BANK1: variants seen among roughly 807,000 people sequenced by gnomAD.
The protein encoded by BANK1 is B-cell scaffold protein with ankyrin repeats.
In BANK1, 95 loss-of-function variants were observed where a neutral mutation model predicts 94.5. The ratio of observed to expected loss-of-function variants is 1.00; its 90% CI spans 0.85 to 1.19. BANK1 has a LOEUF of 1.19. Among genes scored for constraint, BANK1 ranks in the 50% most tolerant of loss-of-function variants. The probability of loss-of-function intolerance (pLI) is 0.00; values close to 1 mark genes in which losing one functional copy is unlikely to be tolerated. For missense variants in BANK1, 987 were observed against 932.2 expected, an observed-to-expected ratio of 1.06 and a Z score of -0.77; for synonymous variants, 334 against 308.4, an observed-to-expected ratio of 1.08 and a Z score of -0.87.
intron 7 of BANK1, among the ~76,000 whole-genome samples, chr4:102,001,529 G>A (rs1360801045): frequency 2.0e-5 from 3 of 152,186 alleles, no homozygotes; most frequent in African/African-American, 7.2e-5. Context: ...GAACCCGGGA[G>A]GCGGAGGTTG....
intron 6 of BANK1, among the ~76,000 whole-genome samples, chr4:101,913,307 G>A (rs1408193064): frequency 6.6e-6 from 1 of 152,138 alleles, no homozygotes; most frequent in South Asian, 2.1e-4. Flanking sequence ...GCTACAGATT[G>A]GATGGATTGG....
chr4:101,999,696 A>G (rs964315567), intron 7 of BANK1, among the ~76,000 whole-genome samples: 6 of 152,236 alleles, frequency 3.9e-5, no homozygotes, highest in East Asian at 1.9e-4. Flanking sequence ...AGGACTTGCC[A>G]TATATAACAA....
intron 7 of BANK1, among the ~76,000 whole-genome samples, chr4:101,989,913 T>C (rs1272029560): frequency 6.6e-6 from 1 of 152,208 alleles, no homozygotes; most frequent in Non-Finnish European, 1.5e-5. Context: ...ACAGTTGTTC[T>C]TATTCAACCA....
At chr4:102,064,134 A>T (rs1181891439) in intron 13 of BANK1, among the ~76,000 whole-genome samples, 3 of 152,220 alleles carry the variant, frequency 2.0e-5, no homozygotes, top group Admixed American at 2.0e-4. Context: ...CCACTAAAAG[A>T]GTGTGAAAGC....
chr4:101,797,119 A>G, intron 1 of BANK1, among the ~76,000 whole-genome samples: 1 of 152,142 alleles, frequency 6.6e-6, no homozygotes, highest in South Asian at 2.1e-4. Flanking sequence ...TAAGTTATAC[A>G]TAGTGTGTTA....
rs553466065 is a variant in BANK1 at position 101,822,968 on chromosome 4, T to C, written c.71-6840T>C. Among the ~76,000 whole-genome samples, 3 of 152,304 alleles carry C rather than the reference T, an allele frequency of 2.0e-5. No homozygotes were observed. The East Asian group carries it at 5.8e-4, about 29-fold the overall frequency. Reference sequence around the variant, plus strand: ...TGATGGTATTTAGGTTGATTGCATGTCTTTGCTATTGTGAATTGTGCTGCA... The same window carrying C: ...TGATGGTATTTAGGTTGATTGCATGCCTTTGCTATTGTGAATTGTGCTGCA... On this transcript the variant is annotated intron_variant, in intron 1 of 16. Transcript: ENST00000322953.
At chr4:102,031,715 A>C (rs1407152979) in intron 10 of BANK1, among the ~76,000 whole-genome samples, 1 of 152,182 alleles carries the variant, frequency 6.6e-6, no homozygotes, top group East Asian at 1.9e-4. Context: ...CCTATAAATA[A>C]TATGCAACAC....
intron 11 of BANK1, among the ~76,000 whole-genome samples, chr4:102,055,964 G>A (rs185687905): frequency 5.4e-4 from 82 of 152,058 alleles, no homozygotes; most frequent in African/African-American, 1.8e-3. Flanking sequence ...AAAAGATTAG[G>A]GCAGGACTAG....
chr4:101,825,604 G>A (rs994574895), intron 1 of BANK1, among the ~76,000 whole-genome samples: 1 of 151,992 alleles, frequency 6.6e-6, no homozygotes, highest in African/African-American at 2.4e-5. Context: ...AGTAAAATAA[G>A]ACTAACAGGA....
chr4:101,847,143 T>A (rs568859884), intron 2 of BANK1, among the ~76,000 whole-genome samples: 1 of 152,020 alleles, frequency 6.6e-6, no homozygotes, highest in South Asian at 2.1e-4. Flanking sequence ...AAATATTTGT[T>A]CAAAGAAATC....
At chr4:101,961,997 A>C (rs1254265504) in intron 7 of BANK1, among the ~76,000 whole-genome samples, 2 of 152,142 alleles carry the variant, frequency 1.3e-5, no homozygotes, top group Non-Finnish European at 2.9e-5. Context: ...TTCTAATTTC[A>C]GTTCATTTTT....
chr4:102,070,895 A>G (rs983084338), intron 13 of BANK1, among the ~76,000 whole-genome samples: 1 of 152,360 alleles, frequency 6.6e-6, no homozygotes, highest in African/African-American at 2.4e-5. Context: ...CTCAAAAATC[A>G]TCAACCTCTT....
chr4:102,012,062 A>G (rs1259390321), intron 7 of BANK1, among the ~76,000 whole-genome samples: 3 of 152,190 alleles, frequency 2.0e-5, no homozygotes, highest in Non-Finnish European at 4.4e-5. Flanking sequence ...TATTTTTTTA[A>G]ATGAGATACT....
chr4:101,790,918 C>T lies in BANK1; in HGVS notation c.38C>T (p.Pro13Leu), dbSNP rs1342122250. 4 of 1,535,610 alleles carry T rather than the reference C, an allele frequency of 2.6e-6. No individual in the cohort carries two copies. Among genetic ancestry groups the T allele is most frequent in the African/African-American group, 1.4e-5 (1 of 72,350 alleles). ...PAAPGKGLGS[P>L]DPAPCGPAPP... ...GCGCCAGGCAAGGGGCTTGGGAGCC[C>T]GGACCCCGCCCCCTGCGGCCCAGCG... is the stretch of plus-strand genomic sequence containing the variant. Residue 13 changes from proline to leucine, a missense_variant, in exon 1 of 17, where the codon CCG becomes CTG. Pro to Leu is a moderately conservative substitution (Grantham distance 98, BLOSUM62 -3). Transcript: ENST00000322953.
chr4:101,878,584 A>G (rs1000218726), intron 5 of BANK1, among the ~76,000 whole-genome samples: 8 of 152,196 alleles, frequency 5.3e-5, no homozygotes, highest in African/African-American at 1.9e-4. Flanking sequence ...ATTGGACTTA[A>G]TCTGCACTAT....
At position 101,936,494 on chromosome 4, in the gene BANK1, A is replaced by G. The variant is rs756358148; in HGVS notation, c.1206+18305A>G. 2.7e-5 allele frequency among the ~76,000 whole-genome samples: 4 copies of G among 150,480 alleles called. No individual in the cohort carries two copies. In the South Asian group the frequency reaches 6.2e-4, roughly 23 times the overall value. ...TATATACACATACATGTGTATACAT[A>G]TATGTATAAGATGTATACATGTATA... On this transcript the variant is annotated intron_variant, in intron 7 of 16. Transcript: ENST00000322953.
At chr4:101,927,333 T>C (rs1723194815) in intron 7 of BANK1, among the ~76,000 whole-genome samples, 1 of 151,660 alleles carries the variant, frequency 6.6e-6, no homozygotes, top group Non-Finnish European at 1.5e-5. Context: ...ACCTCCCACC[T>C]GGTCCCACCC....
chr4:101,820,864 A>G (rs947140952), intron 1 of BANK1, among the ~76,000 whole-genome samples: 4 of 152,048 alleles, frequency 2.6e-5, no homozygotes, highest in African/African-American at 7.2e-5. Context: ...CTTTTTATCC[A>G]ATCTGTCATT....
intron 7 of BANK1, among the ~76,000 whole-genome samples, chr4:101,957,909 A>ATC (rs1724420779): frequency 7.0e-6 from 1 of 142,404 alleles, no homozygotes; most frequent in African/African-American, 2.7e-5. Flanking sequence ...CAGTGGCCTG[A>ATC]TCTCAGCTCA....
Sources: gnomAD v4.1 joint callset for allele counts (sites outside exome capture counted in the v4.1 genomes callset) on GRCh38, gnomAD v4.1.1 for gene constraint, MANE v1.5 for transcripts, NCBI Gene and HGNC (gene_info 2026-07-23, HGNC 2026-07-21) for gene names.